TIAM1: variants seen among roughly 807,000 people sequenced by gnomAD.
TIAM1 encodes TIAM Rac1 associated GEF 1, also known as rho guanine nucleotide exchange factor TIAM1.
A neutral mutation model predicts 163.5 loss-of-function variants in TIAM1; 65 were observed. The observed-to-expected ratio is 0.40, with a 90% CI of 0.33 to 0.49. The LOEUF (loss-of-function observed/expected upper bound fraction) is 0.49. Ranked by LOEUF, TIAM1 falls within the 20% of genes least tolerant of loss-of-function variation. TIAM1 has a pLI of 0.77. For synonymous variants in TIAM1, 833 were observed against 810.1 expected, an observed-to-expected ratio of 1.03 and a Z score of -0.48; for missense variants, 1,789 against 2,044.7, an observed-to-expected ratio of 0.87 and a Z score of 2.41.
Position 31,505,878 on chromosome 21 carries a change from G to A in TIAM1, c.-421-41843C>T, listed in dbSNP as rs180820328. ...ACAAAAATTAGCCGGACGTGGTGGC[G>A]GGTGCCTGTAGTCCCAGCTACTTGG... On this transcript the variant is annotated intron_variant, in intron 1 of 28. Transcript: ENST00000286827. 9.4e-4 allele frequency among the ~76,000 whole-genome samples: 143 copies of A among 151,784 alleles called. 1 individual carries two copies. Among genetic ancestry groups the A allele is most frequent in the African/African-American group, 3.0e-3 (126 of 41,394 alleles).
chr21:31,283,361 C>T (rs1233066512), intron 2 of TIAM1, among the ~76,000 whole-genome samples: 3 of 152,146 alleles, frequency 2.0e-5, no homozygotes, highest in Admixed American at 6.5e-5. Flanking sequence ...TGGCCAGTGT[C>T]CAAATCTCCC....
At chr21:31,543,710 G>T (rs148124164) in intron 1 of TIAM1, among the ~76,000 whole-genome samples, 1 of 152,198 alleles carries the variant, frequency 6.6e-6, no homozygotes, top group Non-Finnish European at 1.5e-5. Flanking sequence ...TATCCCCGAG[G>T]AGAAGTAACT....
chr21:31,160,295 TGAACAAGGGTATCCAGAG>T (rs1473084327), intron 16 of TIAM1: 1 of 395,762 alleles, frequency 2.5e-6, no homozygotes, highest in Non-Finnish European at 4.4e-6. Flanking sequence ...ACAGACTTTA[TGAACAAGGGTATCCAGAG>T]GGTAAAAGGA....
At chr21:31,422,662 T>A (rs1282764886) in intron 2 of TIAM1, among the ~76,000 whole-genome samples, 1 of 152,150 alleles carries the variant, frequency 6.6e-6, no homozygotes, top group African/African-American at 2.4e-5. Flanking sequence ...CATCCACGAC[T>A]GCCACCAGCA....
At position 31,170,646 on chromosome 21, in the gene TIAM1, C is replaced by G. The variant is rs555157611; in HGVS notation, c.2888-5581G>C. 1.6e-4 allele frequency among the ~76,000 whole-genome samples: 25 copies of G among 152,248 alleles called. No individual in the cohort carries two copies. In the South Asian group the frequency reaches 4.8e-3, roughly 29 times the overall value. On this transcript the variant is annotated intron_variant, in intron 15 of 27. Transcript: ENST00000541036. Reference sequence around the variant, plus strand: ...CAGAACAGAGAGCTCAGAAACAGAGCCTCCATCCCATGCAGATGTTCCTCA... The same window carrying G: ...CAGAACAGAGAGCTCAGAAACAGAGGCTCCATCCCATGCAGATGTTCCTCA...
In TIAM1 at chr21:31,265,991, C is replaced by A; in HGVS notation, c.963+19G>T. The stretch of plus-strand genomic sequence containing the variant: ...ATGCACCATTCCCAAAATATTGAAA[C>A]AAATTTCAATCACTTTACCTGAGTT... On this transcript the variant is annotated intron_variant, in intron 4 of 27. Coordinates refer to ENST00000541036, the MANE Select transcript of TIAM1 (RefSeq NM_001353694.2). The A allele has an allele frequency of 1.2e-6, 2 of 1,606,638 alleles. No homozygotes were observed. Among genetic ancestry groups the A allele is most frequent in the Non-Finnish European group, 8.5e-7 (1 of 1,175,636 alleles).
chr21:31,230,644 C>T (rs1451026433), intron 6 of TIAM1, among the ~76,000 whole-genome samples: 1 of 152,190 alleles, frequency 6.6e-6, no homozygotes, highest in African/African-American at 2.4e-5. Context: ...CCTGCCTCAG[C>T]CTCCCTAGTC....
chr21:31,377,202 T>A (rs942835609), intron 2 of TIAM1, among the ~76,000 whole-genome samples: 52 of 96,434 alleles, frequency 5.4e-4, no homozygotes, highest in African/African-American at 1.7e-3. Flanking sequence ...TTTTTTTTTT[T>A]AAGATAGATT....
intron 2 of TIAM1, among the ~76,000 whole-genome samples, chr21:31,408,444 C>T (rs1462468552): frequency 6.6e-6 from 1 of 152,092 alleles, no homozygotes. Flanking sequence ...ACTCTCTTTC[C>T]CGAGTCAGCT....
chr21:31,120,611 G>C lies in TIAM1; in HGVS notation c.4533C>G (p.Phe1511Leu). ...ETDILSDDDE[F>L]CESVKGASVD... Reference sequence around the variant, plus strand: ...CTGAGGCACCCTTCACGGACTCACAGAACTCATCATCGTCACTGAGGATGT... The same window carrying C: ...CTGAGGCACCCTTCACGGACTCACACAACTCATCATCGTCACTGAGGATGT... The change falls in exon 28 of 28, where the codon TTC becomes TTG. Residue 1511 changes from phenylalanine (F) to leucine (L), a missense_variant. This residue lies in a region of TIAM1 where 415 missense variants were observed against 439.2 expected (regional missense o/e 0.94). Coordinates refer to ENST00000541036, the MANE Select transcript of TIAM1 (RefSeq NM_001353694.2). This position sits in a 1 kb window ranked among gnomAD's most constrained non-coding sequence, Gnocchi z 4.2. 2 of 1,614,152 alleles carry C rather than the reference G, an allele frequency of 1.2e-6. No individual in the cohort carries two copies. Among genetic ancestry groups the C allele is most frequent in the Middle Eastern group, 1.6e-4 (1 of 6,062 alleles).
rs765536136 is a variant in TIAM1, at chr21:31,118,686, C to G, written c.*1682G>C. 94 of 469,418 alleles carry G rather than the reference C, an allele frequency of 2.0e-4. No homozygotes were observed. The highest frequency in any genetic ancestry group is 2.4e-5 in the Admixed American group (1 of 42,076). 29.1% of individuals were successfully genotyped at this position (469,418 alleles called of 1,614,324 possible). On this transcript the variant is annotated 3_prime_UTR_variant, in exon 28 of 28. Transcript: ENST00000541036. ...CGTTTTCCATCTGGACGCGATCGAA[C>G]CGGAGATGATATGGAAAAATGCAGT...
At chr21:31,293,566 GA>G (rs2074114073) in intron 2 of TIAM1, among the ~76,000 whole-genome samples, 1 of 152,170 alleles carries the variant, frequency 6.6e-6, no homozygotes, top group South Asian at 2.1e-4. Flanking sequence ...TATTCCCACA[GA>G]ATGTCTACAA....
chr21:31,278,867 A>T (rs1203961971), intron 2 of TIAM1, among the ~76,000 whole-genome samples: 1 of 152,166 alleles, frequency 6.6e-6, no homozygotes. Context: ...TTTCCAAAGC[A>T]GTTCCTGAAT....
chr21:31,330,348 C>T (rs1273439406), intron 2 of TIAM1, among the ~76,000 whole-genome samples: 2 of 152,190 alleles, frequency 1.3e-5, no homozygotes, highest in Non-Finnish European at 2.9e-5. Context: ...GCATCTTGGT[C>T]GTTTCCAAGT....
At chr21:31,392,662 T>C (rs1038394809) in intron 2 of TIAM1, among the ~76,000 whole-genome samples, 4 of 150,992 alleles carry the variant, frequency 2.6e-5, no homozygotes, top group Non-Finnish European at 5.9e-5. Context: ...TACTGAAATG[T>C]GACCTCCAAT....
intron 6 of TIAM1, among the ~76,000 whole-genome samples, chr21:31,228,898 A>G (rs1051358752): frequency 6.6e-6 from 1 of 152,284 alleles, no homozygotes; most frequent in East Asian, 1.9e-4. Context: ...AGCGAGGAGA[A>G]GTGCAGAACA....
intron 2 of TIAM1, among the ~76,000 whole-genome samples, chr21:31,447,688 C>T (rs2044676661): frequency 6.6e-6 from 1 of 152,124 alleles, no homozygotes; most frequent in Non-Finnish European, 1.5e-5. Context: ...TGGTCAGATG[C>T]CTGCTGGCCT....
At chr21:31,335,001 G>C (rs1043214568) in intron 2 of TIAM1, among the ~76,000 whole-genome samples, 1 of 152,146 alleles carries the variant, frequency 6.6e-6, no homozygotes. Flanking sequence ...ATCTGTCCCT[G>C]CCATGCCAAT....
chr21:31,401,784 G>A (rs149207764), intron 2 of TIAM1, among the ~76,000 whole-genome samples: 212 of 151,990 alleles, frequency 1.4e-3, no homozygotes, highest in African/African-American at 4.8e-3. Flanking sequence ...TGGTATGCAC[G>A]CCTGGAACCC....
Sources: allele counts gnomAD v4.1 joint callset (sites outside exome capture counted in the v4.1 genomes callset), GRCh38; gene constraint gnomAD v4.1.1; regional missense constraint gnomAD v4.1.1; non-coding constraint Gnocchi (gnomAD v3.1); transcripts MANE v1.5; gene names NCBI Gene and HGNC (gene_info 2026-07-23, HGNC 2026-07-21).